ARSG: variants seen among roughly 807,000 people sequenced by gnomAD.
The protein encoded by ARSG is ASG.
Under a neutral mutation model 50.5 loss-of-function variants are expected in ARSG, and 37 were observed. That is an observed-to-expected ratio of 0.73 (90% CI 0.56 to 0.96). ARSG has a LOEUF of 0.96. Among genes scored for constraint, ARSG ranks in the 50% least tolerant of loss-of-function variants. The probability of loss-of-function intolerance (pLI) is 0.00; values close to 1 mark genes in which losing one functional copy is unlikely to be tolerated. For missense variants in ARSG, 629 were observed against 675.3 expected, an observed-to-expected ratio of 0.93 and a Z score of 0.76; for synonymous variants, 225 against 254.6, an observed-to-expected ratio of 0.88 and a Z score of 1.11.
chr17:68,309,660 A>T (rs2076767356), intron 2 of ARSG, among the ~76,000 whole-genome samples: 1 of 152,006 alleles, frequency 6.6e-6, no homozygotes, highest in Non-Finnish European at 1.5e-5. Flanking sequence ...AGAGTTCGAG[A>T]CTAGCCTGGC....
rs60617109 is a variant in ARSG at position 68,399,541 on chromosome 17, A to G, written c.1213-1819A>G. ...GTACTTTTGACAGCTTCCTTCCTAT[A>G]TTGATATAAACAAGAAAGCCATAAT... is the stretch of plus-strand genomic sequence containing the variant. On this transcript the variant is annotated intron_variant, in intron 10 of 11. Coordinates refer to ENST00000621439, the MANE Select transcript of ARSG (RefSeq NM_001267727.2). This position sits in a 1 kb window ranked among gnomAD's most constrained non-coding sequence, Gnocchi z 4.6. 0.11 allele frequency among the ~76,000 whole-genome samples: 16,220 copies of G among 152,216 alleles called. 2,164 individuals are homozygous for G. Among genetic ancestry groups the G allele is most frequent in the African/African-American group, 0.31 (12,920 of 41,484 alleles).
intron 1 of ARSG, among the ~76,000 whole-genome samples, chr17:68,282,492 T>TAA (rs61418415): frequency 1.0e-4 from 15 of 145,366 alleles, no homozygotes; most frequent in Non-Finnish European, 1.8e-4. Context: ...CCCTAGAACT[T>TAA]AAAAAAAAAA....
the ARSG span, among the ~76,000 whole-genome samples, chr17:68,439,324 A>G: frequency 3.3e-5 from 5 of 152,248 alleles, no homozygotes; most frequent in African/African-American, 1.2e-4. Flanking sequence ...GATACATGCT[A>G]CAACACAGAA....
chr17:68,433,775 T>TTTTTTTTTTG, the ARSG span, among the ~76,000 whole-genome samples: 18 of 61,548 alleles, frequency 2.9e-4, 1 homozygote, highest in African/African-American at 8.6e-4. Context: ...TTTTTTTTTT[T>TTTTTTTTTTG]TTTTTTTTTT....
At chr17:68,421,739 G>C (rs1299377578), downstream of ARSG, 4 of 1,614,080 alleles carry the variant, frequency 2.5e-6, no homozygotes, top group Non-Finnish European at 3.4e-6. Flanking sequence ...CACCTGATAG[G>C]GGGGATGTCC....
chr17:68,385,145 T>A lies in ARSG; in HGVS notation c.1064T>A (p.Val355Asp). The A allele has an allele frequency of 6.2e-7, 1 of 1,613,884 alleles. No individual in the cohort carries two copies. Among genetic ancestry groups the A allele is most frequent in the Non-Finnish European group, 8.5e-7 (1 of 1,179,896 alleles). The change falls in exon 9 of 12, where the codon GTT becomes GAT. Residue 355 changes from valine (V) to aspartate (D), a missense_variant. Val to Asp is a radical substitution (Grantham distance 152). Coordinates refer to ENST00000621439, the MANE Select transcript of ARSG (RefSeq NM_001267727.2). ...ALAYWPGRVP[V>D]NVTSTALLSV... ...GCTTACTGGCCTGGCAGAGTTCCAGTTAATGTCACCAGCACTGCCTTGTTA... is the reference window on the plus strand; with the variant it reads ...GCTTACTGGCCTGGCAGAGTTCCAGATAATGTCACCAGCACTGCCTTGTTA...
intron 11 of ARSG, among the ~76,000 whole-genome samples, chr17:68,418,269 T>C (rs1246088802): frequency 6.6e-6 from 1 of 152,212 alleles, no homozygotes; most frequent in Non-Finnish European, 1.5e-5. Context: ...TTATAAAGCC[T>C]TAGTTTTACA....
intron 10 of ARSG, among the ~76,000 whole-genome samples, chr17:68,396,115 T>G (rs1437674080): frequency 6.6e-6 from 1 of 152,000 alleles, no homozygotes; most frequent in Non-Finnish European, 1.5e-5. Context: ...TTCAAGCGAT[T>G]CTGCTGCCTC....
chr17:68,338,532 A>G lies in ARSG; in HGVS notation c.219-5072A>G, dbSNP rs1204474156. On this transcript the variant is annotated intron_variant, in intron 2 of 11. Transcript: ENST00000621439. ...TTGGAATCAGACACGCCTGAGTCCC[A>G]GGGTGTGCCCTTGGATACCTGACTG... Among the ~76,000 whole-genome samples the G allele has an allele frequency of 2.6e-5, 4 of 152,184 alleles. No homozygotes were observed. In the East Asian group the frequency reaches 7.7e-4, roughly 29 times the overall value.
intron 2 of ARSG, among the ~76,000 whole-genome samples, chr17:68,342,272 A>G (rs2078301487): frequency 6.6e-6 from 1 of 151,916 alleles, no homozygotes; most frequent in Non-Finnish European, 1.5e-5. Flanking sequence ...TAGTTAAATT[A>G]ATATATAACT....
chr17:68,293,490 T>C (rs1262667806), intron 1 of ARSG, among the ~76,000 whole-genome samples: 2 of 146,942 alleles, frequency 1.4e-5, no homozygotes, highest in African/African-American at 5.5e-5. Context: ...GGGAGCATGA[T>C]TCTAATAATA....
chr17:68,297,571 G>A (rs112428442), intron 1 of ARSG, among the ~76,000 whole-genome samples: 47 of 152,268 alleles, frequency 3.1e-4, no homozygotes, highest in African/African-American at 1.1e-3. Context: ...TAGCTGCAGG[G>A]AGTCTGGATT....
chr17:68,327,846 A>C (rs1337193768), intron 2 of ARSG, among the ~76,000 whole-genome samples: 1 of 152,118 alleles, frequency 6.6e-6, no homozygotes, highest in Non-Finnish European at 1.5e-5. Flanking sequence ...ATGACCAATC[A>C]GCGTGCTACC....
intron 2 of ARSG, among the ~76,000 whole-genome samples, chr17:68,322,698 G>A (rs1214425485): frequency 6.6e-6 from 1 of 152,126 alleles, no homozygotes; most frequent in Non-Finnish European, 1.5e-5. Context: ...AAGCCCACGG[G>A]GAGATTACAT....
chr17:68,420,511 G>A lies in ARSG; in HGVS notation c.*48G>A. ...GGAGGAGTACCTGGAAATTAGGCAA[G>A]TTTGCTTCCAAATTTCATTTTTACC... On this transcript the variant is annotated 3_prime_UTR_variant, in exon 12 of 12. Coordinates refer to ENST00000621439, the MANE Select transcript of ARSG (RefSeq NM_001267727.2). 3 of 1,580,950 alleles carry A rather than the reference G, an allele frequency of 1.9e-6. No homozygotes were observed. Among genetic ancestry groups the A allele is most frequent in the Non-Finnish European group, 2.6e-6 (3 of 1,158,246 alleles).
upstream of ARSG, among the ~76,000 whole-genome samples, chr17:68,286,700 TC>T (rs1243308770): frequency 6.6e-6 from 1 of 152,078 alleles, no homozygotes; most frequent in Admixed American, 6.6e-5. Context: ...AGATGAGGTT[TC>T]AGTATGTTAG....
At chr17:68,338,068 C>G (rs959063916) in intron 2 of ARSG, among the ~76,000 whole-genome samples, 3 of 152,100 alleles carry the variant, frequency 2.0e-5, no homozygotes, top group African/African-American at 7.2e-5. Flanking sequence ...GTATAAAAAC[C>G]TTGAAAAACT....
At chr17:68,270,696 C>T in intron 1 of ARSG, 1 of 698,160 alleles carries the variant, frequency 1.4e-6, no homozygotes, top group East Asian at 2.7e-5. Flanking sequence ...AGGGCTGGCT[C>T]AGGTAATCTC....
chr17:68,301,621 T>C (rs2076421373), intron 1 of ARSG, among the ~76,000 whole-genome samples: 1 of 152,230 alleles, frequency 6.6e-6, no homozygotes, highest in Non-Finnish European at 1.5e-5. Flanking sequence ...CATTTGTGTA[T>C]TCTCAACAGG....
Sources: allele counts gnomAD v4.1 joint callset (sites outside exome capture counted in the v4.1 genomes callset), GRCh38; gene constraint gnomAD v4.1.1; non-coding constraint Gnocchi (gnomAD v3.1); transcripts MANE v1.5; gene names NCBI Gene and HGNC (gene_info 2026-07-23, HGNC 2026-07-21).